GRIK2: variants seen among roughly 807,000 people sequenced by gnomAD.
The protein encoded by GRIK2 is glutamate ionotropic receptor kainate type subunit 2, also known as glutamate receptor ionotropic, kainate 2.
Under a neutral mutation model 100.3 loss-of-function variants are expected in GRIK2, and 32 were observed. The observed-to-expected ratio is 0.32, with a 90% CI of 0.24 to 0.43. GRIK2 has a LOEUF of 0.43. GRIK2 is among the 20% of genes least tolerant of loss of function. The pLI, the probability that GRIK2 is intolerant of heterozygous loss-of-function variation, is 1.00. For missense variants in GRIK2, 843 were observed against 1,114.9 expected, an observed-to-expected ratio of 0.76 and a Z score of 3.47; for synonymous variants, 417 against 389.4, an observed-to-expected ratio of 1.07 and a Z score of -0.83.
intron 2 of GRIK2, among the ~76,000 whole-genome samples, chr6:101,496,003 T>G (rs1247333576): frequency 2.6e-5 from 4 of 152,176 alleles, no homozygotes; most frequent in African/African-American, 9.6e-5. Flanking sequence ...TGGAGTGCAG[T>G]GGCGCTATGT....
chr6:101,514,641 T>A (rs1439767055), intron 2 of GRIK2, among the ~76,000 whole-genome samples: 1 of 152,112 alleles, frequency 6.6e-6, no homozygotes, highest in Non-Finnish European at 1.5e-5. Flanking sequence ...GCTAGCTGTG[T>A]AGCAATTCTA....
intron 2 of GRIK2, among the ~76,000 whole-genome samples, chr6:101,412,110 G>A (rs1450851755): frequency 1.3e-5 from 2 of 151,858 alleles, no homozygotes; most frequent in African/African-American, 4.8e-5. Context: ...CAATACCATG[G>A]CACCCCCATT....
chr6:101,575,677 T>A (rs1777757062), intron 2 of GRIK2, among the ~76,000 whole-genome samples: 1 of 152,060 alleles, frequency 6.6e-6, no homozygotes, highest in African/African-American at 2.4e-5. Flanking sequence ...GACATGGTAA[T>A]TTTGTTTTTA....
At chr6:101,801,517 T>G (rs1321168976) in intron 8 of GRIK2, among the ~76,000 whole-genome samples, 1 of 151,974 alleles carries the variant, frequency 6.6e-6, no homozygotes, top group African/African-American at 2.4e-5. Flanking sequence ...TTACCCTTAA[T>G]CTACTGATAT....
chr6:101,626,982 G>GTA (rs768535214), intron 4 of GRIK2, among the ~76,000 whole-genome samples: 15 of 151,610 alleles, frequency 9.9e-5, no homozygotes, highest in Non-Finnish European at 1.6e-4. Context: ...ACACACATAT[G>GTA]TATATATATA....
At chr6:101,990,777 C>T (rs1221539833) in intron 14 of GRIK2, among the ~76,000 whole-genome samples, 1 of 151,404 alleles carries the variant, frequency 6.6e-6, no homozygotes, top group African/African-American at 2.4e-5. Context: ...TTACAATGGA[C>T]ATAAATAATA....
At chr6:101,573,778 C>T (rs2128300075) in intron 2 of GRIK2, among the ~76,000 whole-genome samples, 1 of 152,102 alleles carries the variant, frequency 6.6e-6, no homozygotes, top group African/African-American at 2.4e-5. Context: ...TACAAATAAG[C>T]CTTCAGTATT....
rs1002828971 is a variant in GRIK2 at position 101,681,900 on chromosome 6, T to C, written c.724-653T>C. ...TCTTATTTTTGGAGAGAAAATGACA[T>C]GGACACTTGTTATAACTAAAAGTTC... is the stretch of plus-strand genomic sequence containing the variant. On this transcript the variant is annotated intron_variant, in intron 5 of 16. Coordinates refer to ENST00000369134, the MANE Select transcript of GRIK2 (RefSeq NM_021956.5). 2.0e-5 allele frequency among the ~76,000 whole-genome samples: 3 copies of C among 152,330 alleles called. No individual in the cohort carries two copies. In the South Asian group the frequency reaches 6.2e-4, roughly 32 times the overall value.
chr6:101,909,777 C>T (rs1037069422), intron 12 of GRIK2, among the ~76,000 whole-genome samples: 1 of 150,958 alleles, frequency 6.6e-6, no homozygotes, highest in African/African-American at 2.4e-5. Context: ...TTGTGTAATA[C>T]AGAACACAAT....
chr6:101,678,989 G>A (rs1041134461), intron 5 of GRIK2, among the ~76,000 whole-genome samples: 20 of 152,080 alleles, frequency 1.3e-4, no homozygotes, highest in Admixed American at 3.3e-4. Context: ...TACACTAATT[G>A]GCATGCATGC....
intron 2 of GRIK2, among the ~76,000 whole-genome samples, chr6:101,564,229 C>T (rs1401467243): frequency 3.3e-5 from 5 of 152,106 alleles, no homozygotes; most frequent in African/African-American, 1.2e-4. Flanking sequence ...TACAATACTG[C>T]GTCCACTAAC....
At chr6:101,734,391 G>T (rs1775492283) in intron 7 of GRIK2, among the ~76,000 whole-genome samples, 1 of 152,192 alleles carries the variant, frequency 6.6e-6, no homozygotes. Context: ...AGTCAGGCAG[G>T]AGAAGTTCTC....
intron 2 of GRIK2, among the ~76,000 whole-genome samples, chr6:101,513,079 A>AG (rs1429444552): frequency 6.6e-6 from 1 of 152,076 alleles, no homozygotes; most frequent in Non-Finnish European, 1.5e-5. Flanking sequence ...CCCATGACGC[A>AG]GCCTCCAGGA....
At chr6:101,796,378 C>A (rs1202539398) in intron 7 of GRIK2, among the ~76,000 whole-genome samples, 1 of 152,140 alleles carries the variant, frequency 6.6e-6, no homozygotes, top group African/African-American at 2.4e-5. Flanking sequence ...TTTTTGTGAG[C>A]ATTCTTGTGA....
At chr6:101,828,540 T>C (rs1042684959) in intron 10 of GRIK2, among the ~76,000 whole-genome samples, 4 of 151,640 alleles carry the variant, frequency 2.6e-5, no homozygotes, top group African/African-American at 7.3e-5. Flanking sequence ...TAACAAAGAA[T>C]GAAAAGAGAG....
intron 2 of GRIK2, among the ~76,000 whole-genome samples, chr6:101,616,132 C>A (rs1484659078): frequency 6.6e-6 from 1 of 151,756 alleles, no homozygotes; most frequent in African/African-American, 2.4e-5. Flanking sequence ...TACCTTTTAG[C>A]TTTCTCTTCC....
At chr6:101,562,998 C>A (rs920021888) in intron 2 of GRIK2, among the ~76,000 whole-genome samples, 2 of 152,192 alleles carry the variant, frequency 1.3e-5, no homozygotes, top group African/African-American at 4.8e-5. Flanking sequence ...TGTACCTTCT[C>A]TCACTAAGAC....
chr6:102,043,214 T>C (rs570287605), intron 15 of GRIK2, among the ~76,000 whole-genome samples: 3 of 151,824 alleles, frequency 2.0e-5, no homozygotes, highest in African/African-American at 7.2e-5. Context: ...AGTGACATTG[T>C]GATTTATGAA....
At chr6:101,509,462 C>G (rs986797296) in intron 2 of GRIK2, among the ~76,000 whole-genome samples, 1 of 152,158 alleles carries the variant, frequency 6.6e-6, no homozygotes, top group Non-Finnish European at 1.5e-5. Context: ...CAAGACAGCT[C>G]TCCAATTCAA....
Sources: allele counts gnomAD v4.1 joint callset (sites outside exome capture counted in the v4.1 genomes callset), GRCh38; gene constraint gnomAD v4.1.1; transcripts MANE v1.5; gene names NCBI Gene and HGNC (gene_info 2026-07-23, HGNC 2026-07-21).